The following FSTL3 variants were observed in gnomAD, a reference collection of about 807,000 sequenced individuals.
FSTL3 encodes the protein follistatin-related protein 3.
Under a neutral mutation model 28.1 loss-of-function variants are expected in FSTL3, and 21 were observed. The ratio of observed to expected loss-of-function variants is 0.75; its 90% CI spans 0.53 to 1.08. The LOEUF (loss-of-function observed/expected upper bound fraction) is 1.08, where lower values mean the gene tolerates loss of function less well. Among genes scored for constraint, FSTL3 ranks in the 50% least tolerant of loss-of-function variants. The probability of loss-of-function intolerance (pLI) is 0.00; values close to 1 mark genes in which losing one functional copy is unlikely to be tolerated. For synonymous variants in FSTL3, 199 were observed against 164.2 expected, an observed-to-expected ratio of 1.21 and a Z score of -1.62; for missense variants, 400 against 380.9, an observed-to-expected ratio of 1.05 and a Z score of -0.42.
chr19:678,510 T>TTG (rs2031259122), intron 2 of FSTL3, among the ~76,000 whole-genome samples: 1 of 121,658 alleles, frequency 8.2e-6, no homozygotes, highest in Non-Finnish European at 1.7e-5. Context: ...TTTTTTTTTT[T>TTG]TTTTTTTTTT....
intron 2 of FSTL3, 132 bp downstream of exon 2, chr19:678,109 C>T (rs1400219594): frequency 2.4e-6 from 2 of 818,668 alleles, no homozygotes; most frequent in East Asian, 2.7e-5. Context: ...CAGGGGGATC[C>T]CAGCCTCAGA....
intron 2 of FSTL3, among the ~76,000 whole-genome samples, chr19:678,870 G>C (rs1253342989): frequency 6.6e-6 from 1 of 152,116 alleles, no homozygotes; most frequent in East Asian, 1.9e-4. Context: ...GGATGTCTAG[G>C]AGTTTGCCAG....
chr19:676,556 G>A, intron 1 of FSTL3, 30 bp downstream of exon 1: 1 of 827,306 alleles, frequency 1.2e-6, no homozygotes, highest in Non-Finnish European at 1.6e-6. Flanking sequence ...GGGCGGGCGG[G>A]GCGGGCCACC....
intron 1 of FSTL3, among the ~76,000 whole-genome samples, chr19:677,421 G>A (rs1400404345): frequency 6.6e-6 from 1 of 152,166 alleles, no homozygotes; most frequent in African/African-American, 2.4e-5. Context: ...GGCAGAGGCG[G>A]GAGAAGCGGC....
In FSTL3 at chr19:682,261, C is replaced by T. The variant is rs965280083; in HGVS notation, c.*553C>T. 3.7e-5 allele frequency: 10 copies of T among 268,054 alleles called. No individual in the cohort carries two copies. Among genetic ancestry groups the T allele is most frequent in the South Asian group, 3.0e-4 (4 of 13,510 alleles). 16.6% of individuals were successfully genotyped at this position (268,054 alleles called of 1,614,324 possible). A position where few individuals can be genotyped will look rare whatever the true frequency, so the allele number is the denominator to read the frequency against. On this transcript the variant is annotated 3_prime_UTR_variant, in exon 5 of 5. Coordinates refer to ENST00000166139, the MANE Select transcript of FSTL3 (RefSeq NM_005860.3). ...TCTAGCCTGGGTGTGTATGGAGGAT[C>T]TAGCCTGGGTGAGTATGGAGGGTCT...
At chr19:678,735 TC>T (rs1393600999) in intron 2 of FSTL3, among the ~76,000 whole-genome samples, 1 of 152,072 alleles carries the variant, frequency 6.6e-6, no homozygotes, top group Non-Finnish European at 1.5e-5. Context: ...GGTCTCAAAC[TC>T]CTGACCTCAA....
chr19:682,020 G>A lies in FSTL3; in HGVS notation c.*312G>A, dbSNP rs1226478243. ...GGATTCCACACTTCCGCTCCTTTGG[G>A]GATAAACCTATTAATTATTGCTACT... On this transcript the variant is annotated 3_prime_UTR_variant, in exon 5 of 5. Coordinates refer to ENST00000166139, the MANE Select transcript of FSTL3 (RefSeq NM_005860.3). 1 of 501,344 alleles carries A rather than the reference G, an allele frequency of 2.0e-6. No individual in the cohort carries two copies. Among genetic ancestry groups the A allele is most frequent in the Non-Finnish European group, 3.6e-6 (1 of 275,332 alleles). The allele number at this position is 501,344 out of a possible 1,614,324, so 31.1% of individuals were successfully genotyped here.
At chr19:679,992 C>A (rs1399399149) in intron 2 of FSTL3, 1 of 222,146 alleles carries the variant, frequency 4.5e-6, no homozygotes, top group African/African-American at 2.5e-5. Flanking sequence ...ACCCCGATTC[C>A]GGGCAGAGAC....
At position 682,442 on chromosome 19, in the gene FSTL3, G is replaced by T; in HGVS notation, c.*734G>T. The T allele has an allele frequency of 4.3e-6, 1 of 235,208 alleles. No homozygotes were observed. The highest frequency in any genetic ancestry group is 6.0e-5 in the East Asian group (1 of 16,606). 14.6% of individuals were successfully genotyped at this position (235,208 alleles called of 1,614,324 possible). ...TGTACGGAGGGTCTAGTCTGAGTGCGTGTGGGGACCTCAGAACACTGTGAC... is the reference window on the plus strand; with the variant it reads ...TGTACGGAGGGTCTAGTCTGAGTGCTTGTGGGGACCTCAGAACACTGTGAC... On this transcript the variant is annotated 3_prime_UTR_variant, in exon 5 of 5. Transcript: ENST00000166139.
chr19:680,059 G>T, intron 2 of FSTL3: 1 of 247,266 alleles, frequency 4.0e-6, no homozygotes. Context: ...CAGCGCAGGC[G>T]CAGCGCGGAC....
intron 2 of FSTL3, 106 bp downstream of exon 2, chr19:678,083 G>A: frequency 2.8e-6 from 3 of 1,084,504 alleles, no homozygotes; most frequent in Non-Finnish European, 4.0e-6. Flanking sequence ...CCGTCACAGG[G>A]GTATGTAGGA....
chr19:680,486 C>T lies in FSTL3; in HGVS notation c.502C>T (p.Arg168Cys). Residue 168 changes from arginine to cysteine, a missense_variant, in exon 3 of 5, where the codon CGC becomes TGC. Arg to Cys is a radical substitution (Grantham distance 180, BLOSUM62 -3). Coordinates refer to ENST00000166139, the MANE Select transcript of FSTL3 (RefSeq NM_005860.3). ...DLSVMYRGRC[R>C]KSCEHVVCPR... ...GAGCGTCATGTACCGGGGCCGCTGCCGCAGTACGTGGGGGCGTGGTCTGTG... is the reference window on the plus strand; with the variant it reads ...GAGCGTCATGTACCGGGGCCGCTGCTGCAGTACGTGGGGGCGTGGTCTGTG... The T allele has an allele frequency of 3.2e-6, 4 of 1,246,664 alleles. No individual in the cohort carries two copies. The highest frequency in any genetic ancestry group is 4.0e-6 in the Non-Finnish European group (4 of 994,890). The allele number at this position is 1,246,664 out of a possible 1,614,324, so 77.2% of individuals were successfully genotyped here.
At chr19:680,118 A>T in intron 2 of FSTL3, 156 bp from the exon 3 acceptor site, 1 of 334,802 alleles carries the variant, frequency 3.0e-6, no homozygotes, top group Middle Eastern at 8.3e-4. Context: ...GCCCCTGGGA[A>T]CCCGAGGGCC....
intron 2 of FSTL3, chr19:678,208 G>A (rs775360023): frequency 4.2e-5 from 23 of 541,864 alleles, no homozygotes; most frequent in Non-Finnish European, 7.2e-5. Flanking sequence ...AGCCTTTGCT[G>A]GGGCTGAGCT....
intron 4 of FSTL3, 39 bp downstream of exon 4, chr19:681,599 G>A (rs760248530): frequency 6.3e-7 from 1 of 1,595,628 alleles, no homozygotes; most frequent in Non-Finnish European, 8.5e-7. Flanking sequence ...TGTCCTGGGG[G>A]CCGGAGAACC....
At position 681,358 on chromosome 19, in the gene FSTL3, G is replaced by A. The variant is rs370585443; in HGVS notation, c.531G>A (p.Pro177=). Residue 177 remains proline, a synonymous_variant, in exon 4 of 5, where the codon CCG becomes CCA. Transcript: ENST00000166139. Reference sequence around the variant, plus strand: ...AGTCCTGTGAGCACGTGGTGTGCCCGCGGCCACAGTCGTGCGTCGTGGACC... The same window carrying A: ...AGTCCTGTGAGCACGTGGTGTGCCCACGGCCACAGTCGTGCGTCGTGGACC... ...CRKSCEHVVC[P]RPQSCVVDQT... 25 of 1,581,250 alleles carry A rather than the reference G, an allele frequency of 1.6e-5. No individual in the cohort carries two copies. Among genetic ancestry groups the A allele is most frequent in the Non-Finnish European group, 2.0e-5 (23 of 1,171,032 alleles).
chr19:677,750 T>C, intron 1 of FSTL3, 42 bp from the exon 2 acceptor site: 2 of 1,553,202 alleles, frequency 1.3e-6, no homozygotes, highest in Non-Finnish European at 1.7e-6. Context: ...AAGCTGGGTG[T>C]CAGGAGTGGC....
intron 2 of FSTL3, among the ~76,000 whole-genome samples, chr19:679,224 C>T (rs777497814): frequency 2.0e-5 from 3 of 152,162 alleles, no homozygotes; most frequent in East Asian, 1.9e-4. Context: ...GGCCCCCTTC[C>T]GTTCTCGCTC....
chr19:678,001 G>C (rs765546285), intron 2 of FSTL3, 24 bp downstream of exon 2: 10 of 1,605,384 alleles, frequency 6.2e-6, no homozygotes, highest in Non-Finnish European at 8.5e-6. Context: ...CCAGAAGCAG[G>C]GCAGACGTCT....
Sources: allele counts gnomAD v4.1 joint callset (sites outside exome capture counted in the v4.1 genomes callset), GRCh38; gene constraint gnomAD v4.1.1; transcripts MANE v1.5; gene names NCBI Gene and HGNC (gene_info 2026-07-23, HGNC 2026-07-21).